Variants in MYT1L observed in about 807,000 individuals in gnomAD.
MYT1L encodes the protein myelin transcription factor 1-like protein.
In MYT1L, 12 loss-of-function variants were observed where a neutral mutation model predicts 126.7. The observed-to-expected ratio is 0.09, with a 90% CI of 0.06 to 0.15. MYT1L has a LOEUF of 0.15. Among genes scored for constraint, MYT1L ranks in the 10% least tolerant of loss-of-function variants. The probability of loss-of-function intolerance (pLI) is 1.00; values close to 1 mark genes in which losing one functional copy is unlikely to be tolerated. For synonymous variants in MYT1L, 541 were observed against 604.2 expected, an observed-to-expected ratio of 0.90 and a Z score of 1.53; for missense variants, 979 against 1,585.2, an observed-to-expected ratio of 0.62 and a Z score of 6.49.
intron 21 of MYT1L, chr2:1,824,406 G>T (rs1428072963): frequency 6.6e-6 from 1 of 152,294 alleles, no homozygotes; most frequent in African/African-American, 2.4e-5. Context: ...TGGCAGGATA[G>T]AGGCCAGAAC....
In MYT1L at chr2:1,892,117, C is replaced by T. The variant is rs2048966234; in HGVS notation, c.2203G>A (p.Ala735Thr). The T allele has an allele frequency of 6.5e-7, 1 of 1,546,248 alleles. No homozygotes were observed. Residue 735 changes from alanine (A) to threonine (T), a missense_variant, in exon 15 of 25, where the codon GCC (alanine) becomes ACC (threonine). Ala to Thr is a moderately conservative substitution (Grantham distance 58, BLOSUM62 0). Around this residue, in one of 12 missense-constraint regions of MYT1L, gnomAD observed 28 missense variants for 66.6 expected, o/e 0.42. Transcript: ENST00000647738. ...CAGCGCGTGGACAGGTTGAGGATGG[C>T]GGTGGCCGCCATGTGGGCCGCCTCC... is the stretch of plus-strand genomic sequence containing the variant. ...DMEAAHMAAT[A>T]ILNLSTRCRE... is the part of the protein sequence containing the mutation.
At chr2:2,073,755 G>A (rs1295877608) in intron 3 of MYT1L, among the ~76,000 whole-genome samples, 1 of 152,116 alleles carries the variant, frequency 6.6e-6, no homozygotes, top group African/African-American at 2.4e-5. Flanking sequence ...GTCCACGTTT[G>A]ACTTCCTCTT....
Position 2,009,409 on chromosome 2 carries a change from A to G in MYT1L, c.-157-12062T>C, listed in dbSNP as rs1353782200. Among the ~76,000 whole-genome samples the G allele has an allele frequency of 2.6e-5, 4 of 152,174 alleles. No homozygotes were observed. In the East Asian group the frequency reaches 7.7e-4, roughly 29 times the overall value. On this transcript the variant is annotated intron_variant, in intron 4 of 24. Coordinates refer to ENST00000647738, the MANE Select transcript of MYT1L (RefSeq NM_001303052.2). ...TAATGTTTTATAGTTTTTGGTGTACATATCATTTACCTCCTTTGTTAAATT... is the reference window on the plus strand; with the variant it reads ...TAATGTTTTATAGTTTTTGGTGTACGTATCATTTACCTCCTTTGTTAAATT...
At chr2:2,062,296 T>C (rs1011516829) in intron 3 of MYT1L, among the ~76,000 whole-genome samples, 1 of 152,250 alleles carries the variant, frequency 6.6e-6, no homozygotes, top group Non-Finnish European at 1.5e-5. Flanking sequence ...TCCTATGTAC[T>C]TATCATGACT....
At chr2:2,233,313 G>A (rs1378368134) in intron 2 of MYT1L, among the ~76,000 whole-genome samples, 7 of 152,154 alleles carry the variant, frequency 4.6e-5, no homozygotes, top group East Asian at 1.9e-4. Context: ...AGCACGGGGC[G>A]CCGGGATGTC....
intron 2 of MYT1L, among the ~76,000 whole-genome samples, chr2:2,241,872 G>C (rs1360026866): frequency 6.6e-6 from 1 of 152,196 alleles, no homozygotes; most frequent in Non-Finnish European, 1.5e-5. Context: ...CTCACATGAG[G>C]TAAGACTAGT....
At chr2:2,286,585 A>G (rs982761346) in intron 1 of MYT1L, among the ~76,000 whole-genome samples, 2 of 152,234 alleles carry the variant, frequency 1.3e-5, no homozygotes, top group African/African-American at 4.8e-5. Context: ...ACAACTGAAA[A>G]GGATAATAAA....
intron 21 of MYT1L, among the ~76,000 whole-genome samples, chr2:1,813,178 T>C (rs1488074726): frequency 1.3e-5 from 2 of 152,034 alleles, no homozygotes; most frequent in African/African-American, 4.8e-5. Context: ...GAGCTGCAGG[T>C]GGGGGGGAGA....
intron 22 of MYT1L, among the ~76,000 whole-genome samples, 166 bp downstream of exon 22, chr2:1,808,910 C>T (rs1031984144): frequency 2.0e-5 from 3 of 152,222 alleles, no homozygotes; most frequent in Non-Finnish European, 4.4e-5. Flanking sequence ...AGAAAGACTG[C>T]TTTTTCTCAA....
intron 9 of MYT1L, among the ~76,000 whole-genome samples, chr2:1,924,662 C>T (rs578215972): frequency 2.0e-5 from 3 of 152,310 alleles, no homozygotes; most frequent in African/African-American, 7.2e-5. Flanking sequence ...ACACACCTTT[C>T]TAAACTTCGG....
intron 23 of MYT1L, among the ~76,000 whole-genome samples, chr2:1,800,632 G>C (rs113390477): frequency 7.2e-5 from 11 of 152,182 alleles, no homozygotes; most frequent in African/African-American, 2.7e-4. Flanking sequence ...GAGCAGAGCC[G>C]TTGACCACAC....
intron 18 of MYT1L, among the ~76,000 whole-genome samples, chr2:1,878,661 T>G (rs1449653900): frequency 6.6e-6 from 1 of 152,204 alleles, no homozygotes; most frequent in Non-Finnish European, 1.5e-5. Flanking sequence ...CTTGTGACTT[T>G]CATGTGGGAC....
chr2:1,946,342 A>G (rs2057221250), intron 8 of MYT1L, among the ~76,000 whole-genome samples: 1 of 152,150 alleles, frequency 6.6e-6, no homozygotes, highest in Non-Finnish European at 1.5e-5. Flanking sequence ...GTGCACAAAA[A>G]ATATAATGCA....
rs1373437362 is a variant in MYT1L, at chr2:2,098,739, C to A, written c.-303-44616G>T. Among the ~76,000 whole-genome samples, 5 of 152,334 alleles carry A rather than the reference C, an allele frequency of 3.3e-5. No individual in the cohort carries two copies. The East Asian group carries it at 9.6e-4, about 29-fold the overall frequency. ...GAAACACAAACATTGATGTGACAGA[C>A]TAGTTTGCTATGGTTGAGATATTCA... On this transcript the variant is annotated intron_variant, in intron 3 of 24. Coordinates refer to ENST00000647738, the MANE Select transcript of MYT1L (RefSeq NM_001303052.2).
chr2:2,131,198 C>T (rs780932088), intron 3 of MYT1L, among the ~76,000 whole-genome samples: 2 of 152,160 alleles, frequency 1.3e-5, no homozygotes, highest in East Asian at 1.9e-4. Context: ...CAGAGCTCAC[C>T]TCGTGCAGCT....
chr2:1,944,476 G>A (rs927003612), intron 8 of MYT1L, among the ~76,000 whole-genome samples: 1 of 152,154 alleles, frequency 6.6e-6, no homozygotes, highest in Non-Finnish European at 1.5e-5. Context: ...TCTGCAGGGT[G>A]AGATGTGTGG....
chr2:1,816,580 C>T (rs1441511346), intron 21 of MYT1L: 3 of 152,912 alleles, frequency 2.0e-5, no homozygotes, highest in Admixed American at 6.5e-5. Context: ...AATACTTTCA[C>T]AGCTTAAAAG....
At chr2:2,022,270 C>T (rs562801310) in intron 4 of MYT1L, among the ~76,000 whole-genome samples, 47 of 152,248 alleles carry the variant, frequency 3.1e-4, no homozygotes, top group African/African-American at 9.6e-4. Flanking sequence ...TCTCTCCTCA[C>T]GGTTAGGAGC....
At chr2:1,802,708 G>T (rs925050321) in intron 22 of MYT1L, among the ~76,000 whole-genome samples, 1 of 152,208 alleles carries the variant, frequency 6.6e-6, no homozygotes, top group Admixed American at 6.5e-5. Context: ...GCTGTGTCTG[G>T]TTACTGGCAA....
Sources: gnomAD v4.1 joint callset for allele counts (sites outside exome capture counted in the v4.1 genomes callset) on GRCh38, gnomAD v4.1.1 for gene constraint, gnomAD v4.1.1 regional missense constraint, MANE v1.5 for transcripts, NCBI Gene and HGNC (gene_info 2026-07-23, HGNC 2026-07-21) for gene names.